The following GNAQ variants were observed in gnomAD, a reference collection of about 807,000 sequenced individuals.
GNAQ encodes the protein G protein subunit alpha q.
A neutral mutation model predicts 43.9 loss-of-function variants in GNAQ; 8 were observed. That is an observed-to-expected ratio of 0.18 (90% confidence interval 0.11 to 0.33). The LOEUF is 0.33. GNAQ is among the 10% of genes least tolerant of loss of function. The probability of loss-of-function intolerance (pLI) is 1.00; values close to 1 mark genes in which losing one functional copy is unlikely to be tolerated. For synonymous variants in GNAQ, 155 were observed against 170.7 expected (o/e 0.91, Z 0.71); for missense variants, 158 against 450.8 (o/e 0.35, Z 5.88).
At chr9:77,760,457 C>T (rs1369675258) in intron 5 of GNAQ, among the ~76,000 whole-genome samples, 1 of 152,104 alleles carries the variant, frequency 6.6e-6, no homozygotes, top group Non-Finnish European at 1.5e-5. Flanking sequence ...GATCCGCCAG[C>T]CTCGGCCTCT....
chr9:77,882,113 G>A (rs898072015), intron 2 of GNAQ, among the ~76,000 whole-genome samples: 11 of 152,196 alleles, frequency 7.2e-5, no homozygotes, highest in Admixed American at 1.3e-4. Context: ...ACTCCAGCCC[G>A]GGAGACAGAG....
chr9:77,827,371 T>C lies in GNAQ; in HGVS notation c.322-11601A>G, dbSNP rs146237179. On this transcript the variant is annotated intron_variant, in intron 2 of 6. Coordinates refer to ENST00000286548, the MANE Select transcript of GNAQ (RefSeq NM_002072.5). ...TGGTCATGAAATCAAACCAAATCCA[T>C]GTTTAAATAACTAAAAAAAAAAAAA... is the stretch of plus-strand genomic sequence containing the variant. Among the ~76,000 whole-genome samples, 366 of 120,156 alleles carry C rather than the reference T, an allele frequency of 3.0e-3. 2 individuals are homozygous for C. The highest frequency in any genetic ancestry group is 9.6e-3 in the African/African-American group (348 of 36,188). 78.8% of individuals were successfully genotyped at this position (120,156 alleles called of 152,430 possible). A position where few individuals can be genotyped will look rare whatever the true frequency, so the allele number is the denominator to read the frequency against.
At chr9:77,936,380 G>C (rs1047584568) in intron 1 of GNAQ, among the ~76,000 whole-genome samples, 1 of 151,920 alleles carries the variant, frequency 6.6e-6, no homozygotes, top group South Asian at 2.1e-4. Context: ...TTAATACACC[G>C]ACCCAATAAT....
chr9:77,888,132 T>C (rs1436110339), intron 2 of GNAQ, among the ~76,000 whole-genome samples: 1 of 152,240 alleles, frequency 6.6e-6, no homozygotes, highest in Non-Finnish European at 1.5e-5. Context: ...GCTAATGGAA[T>C]GGGTGTTTGC....
At chr9:77,889,410 CAAAAAAAAAAAAAAAAAAAAA>C (rs58496646) in intron 2 of GNAQ, among the ~76,000 whole-genome samples, 8 of 48,050 alleles carry the variant, frequency 1.7e-4, no homozygotes, top group East Asian at 1.1e-3. Context: ...GACCCTGTCT[CAAAAAAAAAAAAAAAAAAAAA>C]AAAAAAAAAA....
chr9:77,832,303 G>C (rs1021371176), intron 2 of GNAQ, among the ~76,000 whole-genome samples: 5 of 152,084 alleles, frequency 3.3e-5, no homozygotes, highest in African/African-American at 1.2e-4. Flanking sequence ...CAGTAACAAA[G>C]TTCTTGCTTC....
At chr9:78,016,728 T>C (rs1353333090) in intron 1 of GNAQ, among the ~76,000 whole-genome samples, 12 of 152,060 alleles carry the variant, frequency 7.9e-5, no homozygotes, top group Non-Finnish European at 1.2e-4. Context: ...CTAAAAGTGA[T>C]AGAAAATCTA....
chr9:77,821,997 T>C (rs999210982), intron 2 of GNAQ, among the ~76,000 whole-genome samples: 3 of 152,136 alleles, frequency 2.0e-5, no homozygotes, highest in African/African-American at 4.8e-5. Flanking sequence ...TAATAGGTAT[T>C]TGACAAATGG....
chr9:77,919,076 C>T (rs896181986), intron 2 of GNAQ, among the ~76,000 whole-genome samples: 6 of 152,060 alleles, frequency 3.9e-5, no homozygotes, highest in African/African-American at 7.2e-5. Context: ...TGTGCCACCA[C>T]GCCTGGCTAA....
At chr9:78,025,811 T>C (rs989640338) in intron 1 of GNAQ, among the ~76,000 whole-genome samples, 23 of 152,086 alleles carry the variant, frequency 1.5e-4, no homozygotes, top group South Asian at 1.2e-3. Flanking sequence ...TAAAGAAAAA[T>C]TAATATGAAT....
intron 2 of GNAQ, among the ~76,000 whole-genome samples, chr9:77,817,814 G>A (rs995067212): frequency 1.3e-5 from 2 of 152,168 alleles, no homozygotes; most frequent in African/African-American, 4.8e-5. Context: ...GGTGTTAAGT[G>A]CAACTGTGTA....
At chr9:77,933,498 AGCCAGACGGGGTGGT>A (rs1363369566) in intron 1 of GNAQ, among the ~76,000 whole-genome samples, 2 of 152,128 alleles carry the variant, frequency 1.3e-5, no homozygotes, top group African/African-American at 4.8e-5. Context: ...TACAAAAATT[AGCCAGACGGGGTGGT>A]GCACGCCTGT....
Position 77,751,828 on chromosome 9 carries a change from CG to C in GNAQ, c.736-23162del, listed in dbSNP as rs149844259. ...CAAACAAACAAACAAAAAAAACAAACGAAAAAAACAGGTCACTGAAGTGAAG... is the reference window on the plus strand; with the variant it reads ...CAAACAAACAAACAAAAAAAACAAACAAAAAAACAGGTCACTGAAGTGAAG... On this transcript the variant is annotated intron_variant, in intron 5 of 6. Coordinates refer to ENST00000286548, the MANE Select transcript of GNAQ (RefSeq NM_002072.5). 7.3e-3 allele frequency among the ~76,000 whole-genome samples: 1,112 copies of C among 151,992 alleles called. 22 individuals carry two copies. Among genetic ancestry groups the C allele is most frequent in the African/African-American group, 0.025 (1,054 of 41,434 alleles).
At chr9:77,803,145 C>T (rs1290918830) in intron 3 of GNAQ, among the ~76,000 whole-genome samples, 1 of 152,116 alleles carries the variant, frequency 6.6e-6, no homozygotes, top group Non-Finnish European at 1.5e-5. Context: ...GGCAAAAACA[C>T]AGGAGAGGGG....
At chr9:77,828,059 CAAAAAAAAAAAAAA>C (rs71360654) in intron 2 of GNAQ, among the ~76,000 whole-genome samples, 447 of 19,272 alleles carry the variant, frequency 0.023, 4 homozygotes, top group Middle Eastern at 0.17. Context: ...GACTCCTCCT[CAAAAAAAAAAAAAA>C]AAAAAAAAAA....
chr9:77,787,321 T>G (rs185481752), intron 5 of GNAQ, among the ~76,000 whole-genome samples: 68 of 152,342 alleles, frequency 4.5e-4, no homozygotes, highest in Admixed American at 1.3e-3. Context: ...GAGAGGGCAC[T>G]TGCAGGCATC....
intron 1 of GNAQ, among the ~76,000 whole-genome samples, chr9:77,962,079 G>T (rs1823113191): frequency 6.6e-6 from 1 of 151,840 alleles, no homozygotes. Context: ...AGACTGAAAA[G>T]AAAACATATG....
intron 1 of GNAQ, among the ~76,000 whole-genome samples, chr9:77,974,180 G>A (rs887283291): frequency 2.6e-5 from 4 of 152,068 alleles, no homozygotes; most frequent in African/African-American, 7.2e-5. Context: ...TGAAGAACTC[G>A]CCATATATCA....
intron 5 of GNAQ, among the ~76,000 whole-genome samples, chr9:77,792,610 T>C (rs1401374926): frequency 2.6e-5 from 4 of 152,174 alleles, no homozygotes; most frequent in Admixed American, 6.5e-5. Context: ...TGCCAAAGGA[T>C]TCTACTTTCT....
Sources: allele counts gnomAD v4.1 joint callset (sites outside exome capture counted in the v4.1 genomes callset), GRCh38; gene constraint gnomAD v4.1.1; transcripts MANE v1.5; gene names NCBI Gene and HGNC (gene_info 2026-07-23, HGNC 2026-07-21).